The following DENND1A variants were observed in gnomAD, a reference collection of about 807,000 sequenced individuals.
The protein encoded by DENND1A is DENN domain-containing protein 1A.
In DENND1A, 51 loss-of-function variants were observed where a neutral mutation model predicts 113.7. That is an observed-to-expected ratio of 0.45 (90% CI 0.36 to 0.57). The LOEUF (loss-of-function observed/expected upper bound fraction) is 0.57. Among genes scored for constraint, DENND1A ranks in the 20% least tolerant of loss-of-function variants. The pLI, the probability that DENND1A is intolerant of heterozygous loss-of-function variation, is 0.00. For missense variants in DENND1A, 1,258 were observed against 1,395.9 expected (o/e 0.90, Z 1.57); for synonymous variants, 565 against 570.8 (o/e 0.99, Z 0.14).
In DENND1A at chr9:123,669,115, G is replaced by T. The variant is rs949395771; in HGVS notation, c.454-2036C>A. Among the ~76,000 whole-genome samples the T allele has an allele frequency of 3.3e-5, 5 of 152,104 alleles. No individual in the cohort carries two copies. In the East Asian group the frequency reaches 7.7e-4, roughly 23 times the overall value. ...ATTTTAATACAAAATTATTATTGCTGTGAACTGCTAGTTCATATTACTATT... is the reference window on the plus strand; with the variant it reads ...ATTTTAATACAAAATTATTATTGCTTTGAACTGCTAGTTCATATTACTATT... On this transcript the variant is annotated intron_variant, in intron 7 of 23. Transcript: ENST00000394215.
chr9:123,388,792 C>T (rs996636204), intron 21 of DENND1A, among the ~76,000 whole-genome samples: 1 of 152,234 alleles, frequency 6.6e-6, no homozygotes, highest in Non-Finnish European at 1.5e-5. Flanking sequence ...CTGGACCAGG[C>T]AGATCTGGGT....
At chr9:123,690,536 T>C (rs2065125945) in intron 5 of DENND1A, among the ~76,000 whole-genome samples, 3 of 152,228 alleles carry the variant, frequency 2.0e-5, no homozygotes, top group Non-Finnish European at 2.9e-5. Flanking sequence ...ATTTACAATA[T>C]ATTTAGATAT....
intron 8 of DENND1A, among the ~76,000 whole-genome samples, chr9:123,659,156 A>T (rs145900334): frequency 2.5e-3 from 382 of 152,320 alleles, no homozygotes; most frequent in Middle Eastern, 0.01. Flanking sequence ...GCACACTAAC[A>T]CTTCTCTGAA....
At chr9:123,732,110 C>T (rs1471927412) in intron 5 of DENND1A, among the ~76,000 whole-genome samples, 3 of 152,218 alleles carry the variant, frequency 2.0e-5, no homozygotes, top group Admixed American at 2.0e-4. Context: ...AATGATACAA[C>T]AACCACTTTG....
chr9:123,628,694 G>A (rs2061345721), intron 10 of DENND1A, among the ~76,000 whole-genome samples: 2 of 152,174 alleles, frequency 1.3e-5, no homozygotes, highest in African/African-American at 2.4e-5. Flanking sequence ...TAGACCAGCA[G>A]TACCTGGACG....
chr9:123,416,595 A>C (rs1258110627), intron 19 of DENND1A, among the ~76,000 whole-genome samples: 2 of 152,244 alleles, frequency 1.3e-5, no homozygotes, highest in Non-Finnish European at 2.9e-5. Context: ...CAGTTCAAAA[A>C]GACTGGGCCT....
chr9:123,665,067 T>C (rs2063429868), intron 8 of DENND1A, among the ~76,000 whole-genome samples: 1 of 152,158 alleles, frequency 6.6e-6, no homozygotes, highest in African/African-American at 2.4e-5. Flanking sequence ...TAGGGAAATA[T>C]TTTTCTCCTT....
chr9:123,916,179 T>C (rs1431098417), intron 1 of DENND1A, among the ~76,000 whole-genome samples: 6 of 152,046 alleles, frequency 3.9e-5, no homozygotes, highest in African/African-American at 1.4e-4. Flanking sequence ...AGTCCATCCA[T>C]CCAATAGAGT....
chr9:123,792,552 T>G (rs765151609), intron 3 of DENND1A, 35 bp downstream of exon 3: 10 of 1,607,184 alleles, frequency 6.2e-6, no homozygotes, highest in South Asian at 5.6e-5. Flanking sequence ...TGAAATAAAT[T>G]TTGTCATGTA....
At chr9:123,568,740 A>C (rs1223561361) in intron 12 of DENND1A, among the ~76,000 whole-genome samples, 1 of 152,188 alleles carries the variant, frequency 6.6e-6, no homozygotes, top group Non-Finnish European at 1.5e-5. Context: ...ACATGGATAC[A>C]TCCACACAGA....
At chr9:123,899,929 G>C (rs1851338134) in intron 1 of DENND1A, among the ~76,000 whole-genome samples, 1 of 152,180 alleles carries the variant, frequency 6.6e-6, no homozygotes, top group South Asian at 2.1e-4. Context: ...GGTGGAATAG[G>C]AATAACTTTC....
At chr9:123,548,220 G>A (rs2056827745) in intron 13 of DENND1A, among the ~76,000 whole-genome samples, 1 of 152,096 alleles carries the variant, frequency 6.6e-6, no homozygotes, top group Non-Finnish European at 1.5e-5. Context: ...TCATTCCCAG[G>A]ACATGATCTT....
rs150395447 is a variant in DENND1A at position 123,842,144 on chromosome 9, A to G, written c.88+36807T>C. ...GCTCAGCTGCCCTTTGAAAGAAACA[A>G]GTATGTTGACAGATGTGTAGAAGTA... On this transcript the variant is annotated intron_variant, in intron 2 of 23. Coordinates refer to ENST00000394215, the MANE Select transcript of DENND1A (RefSeq NM_001352964.2). Among the ~76,000 whole-genome samples the G allele has an allele frequency of 5.9e-5, 9 of 152,358 alleles. No individual in the cohort carries two copies. In the East Asian group the frequency reaches 1.7e-3, roughly 29 times the overall value.
intron 5 of DENND1A, among the ~76,000 whole-genome samples, chr9:123,728,479 C>CAAAAAAA (rs60761810): frequency 0.015 from 378 of 25,198 alleles, 91 homozygotes; most frequent in African/African-American, 0.032. Flanking sequence ...CTCTGTCTCC[C>CAAAAAAA]AAAAAAAAAA....
intron 21 of DENND1A, among the ~76,000 whole-genome samples, chr9:123,389,512 G>A (rs952186467): frequency 6.6e-6 from 1 of 152,150 alleles, no homozygotes; most frequent in African/African-American, 2.4e-5. Context: ...TCGGGGCCAG[G>A]GCACCACCTG....
chr9:123,883,127 A>C (rs979344970), intron 1 of DENND1A, among the ~76,000 whole-genome samples: 5 of 152,104 alleles, frequency 3.3e-5, no homozygotes, highest in Non-Finnish European at 7.4e-5. Context: ...AACTCAGCTT[A>C]TATTTGGCCT....
At chr9:123,410,221 G>A (rs2044198472) in intron 20 of DENND1A, among the ~76,000 whole-genome samples, 1 of 152,226 alleles carries the variant, frequency 6.6e-6, no homozygotes, top group South Asian at 2.1e-4. Context: ...ATCAGACTCA[G>A]AGAGCTTCAG....
intron 20 of DENND1A, among the ~76,000 whole-genome samples, chr9:123,408,143 T>C (rs1172470599): frequency 6.6e-6 from 1 of 152,154 alleles, no homozygotes; most frequent in East Asian, 1.9e-4. Flanking sequence ...CACTTCTGTC[T>C]GGAAAGTTTG....
At chr9:123,716,439 A>G (rs2066983189) in intron 5 of DENND1A, among the ~76,000 whole-genome samples, 1 of 152,202 alleles carries the variant, frequency 6.6e-6, no homozygotes, top group Non-Finnish European at 1.5e-5. Flanking sequence ...GAACCAAGGG[A>G]GCCTGCAGAG....
Sources: allele counts gnomAD v4.1 joint callset (sites outside exome capture counted in the v4.1 genomes callset), GRCh38; gene constraint gnomAD v4.1.1; transcripts MANE v1.5; gene names NCBI Gene and HGNC (gene_info 2026-07-23, HGNC 2026-07-21).